The following FAM124A variants were observed in gnomAD, a reference collection of about 807,000 sequenced individuals.
FAM124A encodes the protein family with sequence similarity 124 member A, also known as protein FAM124A.
Under a neutral mutation model 24.5 loss-of-function variants are expected in FAM124A, and 23 were observed. That is an observed-to-expected ratio of 0.94 (90% confidence interval 0.68 to 1.33). The LOEUF (loss-of-function observed/expected upper bound fraction) is 1.33, where lower values mean the gene tolerates loss of function less well. Ranked by LOEUF, FAM124A falls within the 40% of genes most tolerant of loss-of-function variation. FAM124A has a pLI of 0.00. For missense variants in FAM124A, 623 were observed against 722.8 expected, an observed-to-expected ratio of 0.86 and a Z score of 1.58; for synonymous variants, 287 against 314.7, an observed-to-expected ratio of 0.91 and a Z score of 0.93.
intron 3 of FAM124A, among the ~76,000 whole-genome samples, chr13:51,266,162 G>A (rs1327640733): frequency 6.6e-6 from 1 of 152,110 alleles, no homozygotes; most frequent in Non-Finnish European, 1.5e-5. Flanking sequence ...CATTTTTAGG[G>A]GATAGTTTTG....
chr13:51,249,900 C>A (rs1467300723), intron 2 of FAM124A, among the ~76,000 whole-genome samples: 5 of 152,310 alleles, frequency 3.3e-5, no homozygotes, highest in Non-Finnish European at 5.9e-5. Flanking sequence ...GGGAGCATAT[C>A]ATGCAAGAGT....
Position 51,251,390 on chromosome 13 carries a change from T to C in FAM124A, c.101-78T>C. 1 of 1,438,316 alleles carries C rather than the reference T, an allele frequency of 7.0e-7. No homozygotes were observed. The highest frequency in any genetic ancestry group is 9.2e-7 in the Non-Finnish European group (1 of 1,091,754). 89.1% of individuals were successfully genotyped at this position (1,438,316 alleles called of 1,614,324 possible). ...TTGACTTCTCTTCCTGTCAAGCCTG[T>C]ACACGTCATCACTGGACACTTTAAT... On this transcript the variant is annotated intron_variant, in intron 2 of 3. Coordinates refer to ENST00000322475, the MANE Select transcript of FAM124A (RefSeq NM_001242312.2). The surrounding 1 kb of genome is among the most constrained non-coding windows in gnomAD (Gnocchi z 5.3).
chr13:51,255,724 G>C (rs1954668192), intron 3 of FAM124A, among the ~76,000 whole-genome samples: 2 of 144,338 alleles, frequency 1.4e-5, no homozygotes, highest in Admixed American at 1.4e-4. Context: ...TTAACTGATG[G>C]CTGCAGTGAG....
In FAM124A at chr13:51,280,598, CG is replaced by C. The variant is rs764109917; in HGVS notation, c.987del (p.Ile331SerfsTer76). ...SQQSPLNSPH[P>X]GPIRTGLPPG... ...CAGTCCCCGCTCAACAGTCCTCACCCGGGGCCCATCCGGACAGGCCTGCCTC... is the reference window on the plus strand; with the variant it reads ...CAGTCCCCGCTCAACAGTCCTCACCCGGGCCCATCCGGACAGGCCTGCCTC... On this transcript the variant is annotated frameshift_variant, in exon 4 of 4. Transcript: ENST00000322475. LOFTEE classifies it low-confidence loss of function (END_TRUNC). 6.2e-7 allele frequency: 1 copy of C among 1,614,176 alleles called. No homozygotes were observed. The highest frequency in any genetic ancestry group is 1.1e-5 in the South Asian group (1 of 91,084).
At chr13:51,273,594 C>T (rs1469413807) in intron 3 of FAM124A, among the ~76,000 whole-genome samples, 2 of 152,120 alleles carry the variant, frequency 1.3e-5, no homozygotes, top group East Asian at 3.9e-4. Flanking sequence ...AACTTGAATC[C>T]TTCAGGCTAG....
At chr13:51,222,688 C>G in intron 1 of FAM124A, 119 bp downstream of exon 1, 1 of 1,001,578 alleles carries the variant, frequency 1.0e-6, no homozygotes, top group Non-Finnish European at 1.3e-6. Flanking sequence ...GGCTTCTCCT[C>G]CTGCCGGATC....
chr13:51,248,401 TTGAC>T (rs1165066093), intron 2 of FAM124A, among the ~76,000 whole-genome samples: 1 of 152,212 alleles, frequency 6.6e-6, no homozygotes, highest in African/African-American at 2.4e-5. Flanking sequence ...ATTTACCCAC[TTGAC>T]TGACTGTCCT....
chr13:51,237,473 T>C (rs1954446642), intron 2 of FAM124A, among the ~76,000 whole-genome samples: 1 of 152,216 alleles, frequency 6.6e-6, no homozygotes, highest in Non-Finnish European at 1.5e-5. Flanking sequence ...ACAACAGTCA[T>C]GTTTATTCGC....
intron 2 of FAM124A, among the ~76,000 whole-genome samples, chr13:51,231,847 G>A (rs575013307): frequency 3.3e-5 from 5 of 152,298 alleles, no homozygotes; most frequent in South Asian, 4.1e-4. Flanking sequence ...AAAATCCTGC[G>A]AAGTGTGTTA....
chr13:51,251,162 C>T lies in FAM124A; in HGVS notation c.101-306C>T, dbSNP rs1386041415. On this transcript the variant is annotated intron_variant, in intron 2 of 3. Coordinates refer to ENST00000322475, the MANE Select transcript of FAM124A (RefSeq NM_001242312.2). The surrounding 1 kb of genome is among the most constrained non-coding windows in gnomAD (Gnocchi z 5.3). ...GACTTGACTTTCTATTTGTCTGATACGTAAATATAAAGTCAAATGTTCCCT... is the reference window on the plus strand; with the variant it reads ...GACTTGACTTTCTATTTGTCTGATATGTAAATATAAAGTCAAATGTTCCCT... Among the ~76,000 whole-genome samples the T allele has an allele frequency of 1.3e-5, 2 of 152,122 alleles. No homozygotes were observed. The highest frequency in any genetic ancestry group is 2.9e-5 in the Non-Finnish European group (2 of 68,016).
chr13:51,279,639 G>A (rs1954915992), intron 3 of FAM124A, among the ~76,000 whole-genome samples: 1 of 152,120 alleles, frequency 6.6e-6, no homozygotes, highest in Admixed American at 6.5e-5. Flanking sequence ...AACAGAAACG[G>A]GTTACTGGTG....
At chr13:51,260,265 C>T (rs1359412205) in intron 3 of FAM124A, among the ~76,000 whole-genome samples, 3 of 152,180 alleles carry the variant, frequency 2.0e-5, no homozygotes, top group African/African-American at 7.2e-5. Flanking sequence ...CTGATGGAGT[C>T]CTCCATCCCC....
At chr13:51,271,607 T>G (rs1243109383) in intron 3 of FAM124A, among the ~76,000 whole-genome samples, 1 of 152,162 alleles carries the variant, frequency 6.6e-6, no homozygotes, top group Non-Finnish European at 1.5e-5. Context: ...TGGAATGGTT[T>G]TTTTTTAAAG....
chr13:51,255,563 G>GA (rs1272761544), intron 3 of FAM124A, among the ~76,000 whole-genome samples: 1 of 152,200 alleles, frequency 6.6e-6, no homozygotes, highest in Admixed American at 6.5e-5. Context: ...GTTCACACAG[G>GA]AAAAATCAGC....
chr13:51,252,576 T>C (rs1954637355), intron 3 of FAM124A: 1 of 238,344 alleles, frequency 4.2e-6, no homozygotes, highest in Non-Finnish European at 8.2e-6. Context: ...TTAGAGAGTT[T>C]TTACCACTGG....
chr13:51,262,090 C>T (rs959698685), intron 3 of FAM124A, among the ~76,000 whole-genome samples: 1 of 152,224 alleles, frequency 6.6e-6, no homozygotes, highest in Non-Finnish European at 1.5e-5. Context: ...ATAGCCAATG[C>T]CTGCTGGGAG....
In FAM124A at chr13:51,258,223, C is replaced by A. The variant is rs1954695577; in HGVS notation, c.834+6022C>A. Among the ~76,000 whole-genome samples the A allele has an allele frequency of 6.6e-6, 1 of 152,184 alleles. No individual in the cohort carries two copies. Among genetic ancestry groups the A allele is most frequent in the South Asian group, 2.1e-4 (1 of 4,828 alleles). On this transcript the variant is annotated intron_variant, in intron 3 of 3. Coordinates refer to ENST00000322475, the MANE Select transcript of FAM124A (RefSeq NM_001242312.2). The surrounding 1 kb of genome is among the most constrained non-coding windows in gnomAD (Gnocchi z 4.2). ...GGGGCTCACCTTTCTCCAGCATGAC[C>A]TCATCCTAATTAAGCTCATTCCATC...
At chr13:51,233,110 T>C (rs1954396813) in intron 2 of FAM124A, among the ~76,000 whole-genome samples, 1 of 152,096 alleles carries the variant, frequency 6.6e-6, no homozygotes, top group Non-Finnish European at 1.5e-5. Context: ...CAAATAATGG[T>C]GGAAAATGAT....
intron 3 of FAM124A, chr13:51,253,124 C>A (rs1230220330): frequency 6.6e-6 from 1 of 152,224 alleles, no homozygotes; most frequent in Non-Finnish European, 1.5e-5. Context: ...CCTCTGACGT[C>A]TCAATTTTCA....
Sources: gnomAD v4.1 joint callset for allele counts (sites outside exome capture counted in the v4.1 genomes callset) on GRCh38, gnomAD v4.1.1 for gene constraint, Gnocchi (gnomAD v3.1) non-coding constraint, MANE v1.5 for transcripts, NCBI Gene and HGNC (gene_info 2026-07-23, HGNC 2026-07-21) for gene names.